Variants in WWC2 observed in about 807,000 individuals in gnomAD.
WWC2 encodes the protein WW and C2 domain containing 2.
WWC2 carries 101 observed loss-of-function variants against 138.5 expected under a neutral mutation model. That is an observed-to-expected ratio of 0.73 (90% CI 0.62 to 0.86). WWC2 has a LOEUF of 0.86. Among genes scored for constraint, WWC2 ranks in the 40% least tolerant of loss-of-function variants. The pLI, the probability that WWC2 is intolerant of heterozygous loss-of-function variation, is 0.00. For synonymous variants in WWC2, 558 were observed against 538.4 expected, an observed-to-expected ratio of 1.04 and a Z score of -0.50; for missense variants, 1,420 against 1,419.4, an observed-to-expected ratio of 1.00 and a Z score of -0.01.
chr4:183,117,502 T>G (rs1732452212), intron 1 of WWC2, among the ~76,000 whole-genome samples: 1 of 152,198 alleles, frequency 6.6e-6, no homozygotes, highest in African/African-American at 2.4e-5. Flanking sequence ...ATTACAGGCA[T>G]GAGCCACTGT....
intron 2 of WWC2, among the ~76,000 whole-genome samples, chr4:183,201,470 G>A (rs1250604235): frequency 6.6e-6 from 1 of 152,036 alleles, no homozygotes; most frequent in African/African-American, 2.4e-5. Flanking sequence ...GATCACCCAG[G>A]GCTTCTCTTG....
At chr4:183,270,311 C>G (rs998896249) in intron 15 of WWC2, among the ~76,000 whole-genome samples, 5 of 152,058 alleles carry the variant, frequency 3.3e-5, no homozygotes, top group African/African-American at 1.2e-4. Flanking sequence ...ATATGGAAAG[C>G]CTTTATCCTT....
intron 1 of WWC2, among the ~76,000 whole-genome samples, chr4:183,169,281 T>C (rs895790316): frequency 2.0e-5 from 3 of 152,252 alleles, no homozygotes; most frequent in South Asian, 2.1e-4. Flanking sequence ...TTGATGCTCC[T>C]TGAAATTTTA....
At chr4:183,121,697 A>C (rs1027147238) in intron 1 of WWC2, among the ~76,000 whole-genome samples, 1 of 152,126 alleles carries the variant, frequency 6.6e-6, no homozygotes, top group Non-Finnish European at 1.5e-5. Context: ...TTTGTTATAG[A>C]TAAGGGAAAT....
In WWC2 at chr4:183,245,385, A is replaced by C. The variant is rs200864777; in HGVS notation, c.603-31A>C. 5.3e-5 allele frequency: 79 copies of C among 1,479,976 alleles called. No homozygotes were observed. The Middle Eastern group carries it at 2.1e-3, about 40-fold the overall frequency. The allele number at this position is 1,479,976 out of a possible 1,614,324, so 91.7% of individuals were successfully genotyped here. A position where few individuals can be genotyped will look rare whatever the true frequency, so the allele number is the denominator to read the frequency against. On this transcript the variant is annotated intron_variant, in intron 5 of 22. Transcript: ENST00000403733. ...TTAACTTATATGCTATCATTCTTTG[A>C]TATTTTTTCTTTCTTTTTCTCTTTT...
chr4:183,099,469 G>C lies in WWC2; in HGVS notation c.-23G>C. On this transcript the variant is annotated 5_prime_UTR_variant, in exon 1 of 23. Coordinates refer to ENST00000403733, the MANE Select transcript of WWC2 (RefSeq NM_024949.6). ...CGCGCCCGGTACCTATGGAGGCGCCGCTCGCCGGCGAGGCCGCCGACCATG... is the reference window on the plus strand; with the variant it reads ...CGCGCCCGGTACCTATGGAGGCGCCCCTCGCCGGCGAGGCCGCCGACCATG... 1 of 1,277,356 alleles carries C rather than the reference G, an allele frequency of 7.8e-7. No homozygotes were observed. Among genetic ancestry groups the C allele is most frequent in the South Asian group, 2.4e-5 (1 of 41,010 alleles). The allele number at this position is 1,277,356 out of a possible 1,614,324, so 79.1% of individuals were successfully genotyped here.
chr4:183,179,473 G>C (rs1332914755), intron 1 of WWC2, among the ~76,000 whole-genome samples: 1 of 152,164 alleles, frequency 6.6e-6, no homozygotes. Context: ...ATCGGGGCAA[G>C]AGATGCTAAT....
intron 1 of WWC2, among the ~76,000 whole-genome samples, chr4:183,113,516 G>GTGTGTT (rs1491555181): frequency 1.5e-5 from 2 of 132,524 alleles, no homozygotes; most frequent in Non-Finnish European, 3.3e-5. Flanking sequence ...GTGTGTGTGT[G>GTGTGTT]CGCGCGCGTG....
At chr4:183,147,216 C>T (rs1412155692) in intron 1 of WWC2, among the ~76,000 whole-genome samples, 1 of 152,298 alleles carries the variant, frequency 6.6e-6, no homozygotes, top group Admixed American at 6.5e-5. Flanking sequence ...TTGTTCTATC[C>T]CAGATGCTTA....
At chr4:183,247,235 T>C (rs775533101) in intron 6 of WWC2, among the ~76,000 whole-genome samples, 2 of 151,922 alleles carry the variant, frequency 1.3e-5, no homozygotes, top group Non-Finnish European at 2.9e-5. Context: ...GAAATATGCC[T>C]ACTCTTAAAC....
rs144696967 is a variant in WWC2, at chr4:183,187,969, C to T, written c.132-5630C>T. Among the ~76,000 whole-genome samples, 1,114 of 152,062 alleles carry T rather than the reference C, an allele frequency of 7.3e-3. 19 individuals carry two copies. The highest frequency in any genetic ancestry group is 0.025 in the African/African-American group (1,049 of 41,490). On this transcript the variant is annotated intron_variant, in intron 1 of 22. Transcript: ENST00000403733. ...CTAAATGAGATAACATATGAAACAACCTTGCATAATTCTTGGAACATAATA... is the reference window on the plus strand; with the variant it reads ...CTAAATGAGATAACATATGAAACAATCTTGCATAATTCTTGGAACATAATA...
intron 9 of WWC2, among the ~76,000 whole-genome samples, chr4:183,254,890 G>A (rs751618142): frequency 1.4e-4 from 21 of 152,234 alleles, no homozygotes; most frequent in African/African-American, 3.1e-4. Flanking sequence ...AAATTGTGGC[G>A]TCTTGCCTTC....
At chr4:183,312,271 T>C (rs1449808439) in intron 21 of WWC2, 70 bp from the exon 22 acceptor site, 15 of 1,581,584 alleles carry the variant, frequency 9.5e-6, no homozygotes, top group Non-Finnish European at 1.2e-5. Flanking sequence ...CTTTGAAGCT[T>C]CATAGGATGT....
At chr4:183,237,619 A>T (rs573599689) in intron 4 of WWC2, among the ~76,000 whole-genome samples, 2 of 152,234 alleles carry the variant, frequency 1.3e-5, no homozygotes, top group Admixed American at 1.3e-4. Flanking sequence ...CTTTGTATTT[A>T]TAAACTGGGC....
chr4:183,150,151 T>C (rs1733598812), intron 1 of WWC2, among the ~76,000 whole-genome samples: 1 of 152,218 alleles, frequency 6.6e-6, no homozygotes, highest in South Asian at 2.1e-4. Flanking sequence ...GTTGCTGCCA[T>C]TGAGTACTTC....
intron 1 of WWC2, among the ~76,000 whole-genome samples, chr4:183,147,798 A>G (rs1733504812): frequency 6.6e-6 from 1 of 152,230 alleles, no homozygotes; most frequent in African/African-American, 2.4e-5. Context: ...CCATAAAGAC[A>G]AAACATAAAA....
rs1025213222 is a variant in WWC2 at position 183,232,326 on chromosome 4, A to G, written c.523-7857A>G. ...TGTACATTTTAATGGATTTTAATAC[A>G]TTCATAGTTACATGCCCATTATTGC... On this transcript the variant is annotated intron_variant, in intron 4 of 22. Coordinates refer to ENST00000403733, the MANE Select transcript of WWC2 (RefSeq NM_024949.6). Among the ~76,000 whole-genome samples, 7 of 152,304 alleles carry G rather than the reference A, an allele frequency of 4.6e-5. No individual in the cohort carries two copies. The East Asian group carries it at 7.7e-4, about 17-fold the overall frequency.
intron 16 of WWC2, among the ~76,000 whole-genome samples, chr4:183,274,461 T>A (rs916674273): frequency 6.6e-6 from 1 of 152,212 alleles, no homozygotes; most frequent in Non-Finnish European, 1.5e-5. Context: ...TTTATTTTTA[T>A]GTCAGATGGG....
At chr4:183,159,220 C>T (rs1323799084) in intron 1 of WWC2, among the ~76,000 whole-genome samples, 3 of 152,178 alleles carry the variant, frequency 2.0e-5, no homozygotes, top group African/African-American at 7.2e-5. Context: ...TTGATGTTCA[C>T]TTTTTTACTT....
Sources: gnomAD v4.1 joint callset for allele counts (sites outside exome capture counted in the v4.1 genomes callset) on GRCh38, gnomAD v4.1.1 for gene constraint, MANE v1.5 for transcripts, NCBI Gene and HGNC (gene_info 2026-07-23, HGNC 2026-07-21) for gene names.